The following LAMA5 variants were observed in gnomAD, a reference collection of about 807,000 sequenced individuals.
LAMA5 encodes laminin subunit alpha-5.
A neutral mutation model predicts 433.4 loss-of-function variants in LAMA5; 260 were observed. That is an observed-to-expected ratio of 0.60 (90% CI 0.54 to 0.66). The LOEUF (loss-of-function observed/expected upper bound fraction) is 0.66. Among genes scored for constraint, LAMA5 ranks in the 30% least tolerant of loss-of-function variants. The pLI is 0.00. For missense variants in LAMA5, 5,378 were observed against 5,258.5 expected, an observed-to-expected ratio of 1.02 and a Z score of -0.70; for synonymous variants, 2,620 against 2,226.6, an observed-to-expected ratio of 1.18 and a Z score of -4.97.
rs1240695784 is a variant in LAMA5 at position 62,312,394 on chromosome 20, G to A, written c.9360+6C>T. On this transcript the variant is annotated splice_donor_region_variant and intron_variant, in intron 68 of 79. Transcript: ENST00000252999. ...TGCCACCCCCAGCCCGGGGAGGGCTGCTCACCAGCAGGTCGGCGGTGCAGC... is the reference window on the plus strand; with the variant it reads ...TGCCACCCCCAGCCCGGGGAGGGCTACTCACCAGCAGGTCGGCGGTGCAGC... 2 of 1,598,966 alleles carry A rather than the reference G, an allele frequency of 1.3e-6. No homozygotes were observed. The highest frequency in any genetic ancestry group is 1.3e-5 in the African/African-American group (1 of 74,890).
At chr20:62,345,518 C>T in intron 11 of LAMA5, 1 of 503,582 alleles carries the variant, frequency 2.0e-6, no homozygotes, top group Non-Finnish European at 3.7e-6. Context: ...GCAATCCTTC[C>T]ACCTCAGCCT....
chr20:62,328,473 C>G, intron 34 of LAMA5, 28 bp from the exon 35 acceptor site: 3 of 1,461,762 alleles, frequency 2.1e-6, no homozygotes, highest in Non-Finnish European at 2.7e-6. Context: ...GGTTTACTGA[C>G]CCCTCTTCCC....
chr20:62,315,157 G>C lies in LAMA5; in HGVS notation c.7918C>G (p.Gln2640Glu). The C allele has an allele frequency of 6.2e-7, 1 of 1,610,960 alleles. No homozygotes were observed. Among genetic ancestry groups the C allele is most frequent in the Non-Finnish European group, 8.5e-7 (1 of 1,179,714 alleles). ...AHAKAVAAEA[Q>E]DTATRVQSQL... is the part of the protein sequence containing the mutation. The stretch of plus-strand genomic sequence containing the variant: ...GACTGCACACGGGTGGCGGTGTCCT[G>C]GGCTTCAGCAGCCACAGCCTTGGCA... Residue 2640 changes from glutamine (Q) to glutamate (E), a missense_variant, in exon 59 of 80, where the codon CAG (glutamine) becomes GAG (glutamate). Coordinates refer to ENST00000252999, the MANE Select transcript of LAMA5 (RefSeq NM_005560.6).
intron 26 of LAMA5, 117 bp from the exon 27 acceptor site, chr20:62,332,834 T>C: frequency 2.3e-6 from 3 of 1,300,788 alleles, no homozygotes; most frequent in Non-Finnish European, 3.1e-6. Context: ...AGTCCCACCC[T>C]GGCCCGGACA....
Position 62,312,649 on chromosome 20 carries a change from G to C in LAMA5, c.9210C>G (p.Pro3070=). 6.2e-7 allele frequency: 1 copy of C among 1,606,990 alleles called. No individual in the cohort carries two copies. Among genetic ancestry groups the C allele is most frequent in the East Asian group, 2.2e-5 (1 of 44,454 alleles). Residue 3070 remains proline (P), a synonymous_variant, in exon 67 of 80, where the codon CCC becomes CCG. Coordinates refer to ENST00000252999, the MANE Select transcript of LAMA5 (RefSeq NM_005560.6). ...GTGCTTACCTCGGGGGCAGCTGGTC[G>C]GGCGGCACGCCCCCCAGGTAGTAGG... ...ADAYYLGGVP[P]DQLPPSLRRL...
chr20:62,346,286 GTC>G, intron 9 of LAMA5, 71 bp from the exon 10 acceptor site: 1 of 1,541,728 alleles, frequency 6.5e-7, no homozygotes, highest in Non-Finnish European at 8.8e-7. Flanking sequence ...AGATGTGGCA[GTC>G]TCTACCTCCC....
Position 62,328,474 on chromosome 20 carries a change from C to A in LAMA5, c.4448-29G>T. On this transcript the variant is annotated intron_variant, in intron 34 of 79. Coordinates refer to ENST00000252999, the MANE Select transcript of LAMA5 (RefSeq NM_005560.6). ...TGGGGCGGGTACAGGGTTTACTGAC[C>A]CCTCTTCCCAGTCCCGCCCCTCTCA... 3.4e-6 allele frequency: 5 copies of A among 1,461,452 alleles called. No homozygotes were observed. In the East Asian group the frequency reaches 7.5e-5, roughly 22 times the overall value. 90.5% of individuals were successfully genotyped at this position (1,461,452 alleles called of 1,614,324 possible).
At chr20:62,319,657 C>T in intron 51 of LAMA5, 27 bp downstream of exon 51, 3 of 1,498,172 alleles carry the variant, frequency 2.0e-6, no homozygotes, top group Non-Finnish European at 2.7e-6. Flanking sequence ...GGCTCTGAGC[C>T]CTGAGCCTGG....
At chr20:62,317,060 G>C (rs2236521) in intron 55 of LAMA5, 37 bp from the exon 56 acceptor site, 1 of 1,503,914 alleles carries the variant, frequency 6.6e-7, no homozygotes, top group Non-Finnish European at 8.9e-7. Context: ...GTGGGTAAGC[G>C]CAGACGCCCT....
Position 62,324,812 on chromosome 20 carries a change from T to A in LAMA5, c.5530-258A>T. 1 of 507,860 alleles carries A rather than the reference T, an allele frequency of 2.0e-6. No homozygotes were observed. Among genetic ancestry groups the A allele is most frequent in the Non-Finnish European group, 3.6e-6 (1 of 278,354 alleles). 31.5% of individuals were successfully genotyped at this position (507,860 alleles called of 1,614,324 possible). On this transcript the variant is annotated intron_variant, in intron 41 of 79. Coordinates refer to ENST00000252999, the MANE Select transcript of LAMA5 (RefSeq NM_005560.6). This position sits in a 1 kb window ranked among gnomAD's most constrained non-coding sequence, Gnocchi z 4.4. ...TCCTGTCTCGGGAATGACCAGGCCT[T>A]GGGGCTGGTGACCACCCACTCCATG...
chr20:62,357,039 G>T (rs1985342653), intron 2 of LAMA5, among the ~76,000 whole-genome samples: 1 of 152,192 alleles, frequency 6.6e-6, no homozygotes, highest in African/African-American at 2.4e-5. Context: ...GGGATGGCGT[G>T]GGGTTGTTGG....
At chr20:62,323,317 A>T in intron 45 of LAMA5, 139 bp downstream of exon 45, 1 of 732,888 alleles carries the variant, frequency 1.4e-6, no homozygotes, top group East Asian at 2.8e-5. Context: ...TTGACCATGA[A>T]CCCAGAAGGC....
In LAMA5 at chr20:62,315,245, G is replaced by A. The variant is rs76060237; in HGVS notation, c.7868-38C>T. On this transcript the variant is annotated intron_variant, in intron 58 of 79. Transcript: ENST00000252999. ...GAGGGCAGGCTCAGCAGGGGCCAGC[G>A]GGGACCATCCTGGCTTCATGTCCCC... The A allele has an allele frequency of 2.6e-3, 3,974 of 1,544,612 alleles. 96 individuals are homozygous for A. In the African/African-American group the frequency reaches 0.045, roughly 18 times the overall value.
Position 62,311,266 on chromosome 20 carries a change from G to A in LAMA5, c.9984C>T (p.Cys3328=), listed in dbSNP as rs149413796. 189 of 1,604,020 alleles carry A rather than the reference G, an allele frequency of 1.2e-4. No individual in the cohort carries two copies. Among genetic ancestry groups the A allele is most frequent in the Middle Eastern group, 1.2e-3 (7 of 5,974 alleles). The part of the protein sequence containing the change: ...RSRQPARHPA[C]MLPPHLRTTR... ...TGGTCCTGAGGTGTGGGGGCAGCAT[G>A]CAGGCAGGATGCCGGGCGGGCTGAC... is the stretch of plus-strand genomic sequence containing the variant. The change falls in exon 73 of 80, where the codon TGC becomes TGT. Residue 3328 remains cysteine (C), a synonymous_variant. Transcript: ENST00000252999.
At position 62,330,848 on chromosome 20, in the gene LAMA5, G is replaced by T; in HGVS notation, c.3747C>A (p.Thr1249=). 6.5e-7 allele frequency: 1 copy of T among 1,541,976 alleles called. No individual in the cohort carries two copies. Among genetic ancestry groups the T allele is most frequent in the Non-Finnish European group, 8.7e-7 (1 of 1,143,468 alleles). ...VIPLPPGLPL[T]HAQDLTPAMS... is the part of the protein sequence containing the mutation. ...TGGCTGGAGTGAGATCCTGCGCGTG[G>T]GTCAGCGGGAGGCCGGGCGGCAGCG... The change falls in exon 30 of 80, where the codon ACC becomes ACA. Residue 1249 remains threonine (T), a synonymous_variant. Transcript: ENST00000252999.
rs1168208619 is a variant in LAMA5, at chr20:62,346,505, C to T, written c.1282+1G>A. The T allele has an allele frequency of 6.4e-6, 10 of 1,550,674 alleles. No homozygotes were observed. The highest frequency in any genetic ancestry group is 7.0e-6 in the Non-Finnish European group (8 of 1,146,716). On this transcript the variant is annotated splice_donor_variant, in intron 9 of 79. Coordinates refer to ENST00000252999, the MANE Select transcript of LAMA5 (RefSeq NM_005560.6). LOFTEE classifies it high-confidence loss of function. ...ACACCCGCCCAGCTGAGCCCACTCA[C>T]GGCGGCAGACGTGGGGCGAGTCGAG...
chr20:62,314,127 CGAG>C (rs1397950856), intron 62 of LAMA5, among the ~76,000 whole-genome samples, 174 bp downstream of exon 62: 72 of 61,472 alleles, frequency 1.2e-3, no homozygotes, highest in African/African-American at 2.8e-3. Context: ...GGCACAGAGA[CGAG>C]GGGTGGCGAG....
chr20:62,321,726 T>TGGAGGGGGGGGGC (rs1987822246), intron 48 of LAMA5, among the ~76,000 whole-genome samples: 1 of 63,808 alleles, frequency 1.6e-5, no homozygotes, highest in Non-Finnish European at 2.8e-5. Context: ...AGGGGTGGGG[T>TGGAGGGGGGGGGC]CAGTGGAGGG....
In LAMA5 at chr20:62,333,675, T is replaced by C; in HGVS notation, c.2910A>G (p.Pro970=). Reference sequence around the variant, plus strand: ...TGATGAAGGCAGGCTCCGTGCTGGGTGGGAAGGCCACGGGCTGACTCTGTG... The same window carrying C: ...TGATGAAGGCAGGCTCCGTGCTGGGCGGGAAGGCCACGGGCTGACTCTGTG... ...CTAQSQPVAF[P]PSTEPAFITV... The change falls in exon 24 of 80, where the codon CCA becomes CCG. Residue 970 remains proline, a synonymous_variant. Coordinates refer to ENST00000252999, the MANE Select transcript of LAMA5 (RefSeq NM_005560.6). 12 of 1,595,324 alleles carry C rather than the reference T, an allele frequency of 7.5e-6. No homozygotes were observed. The highest frequency in any genetic ancestry group is 1.0e-5 in the Non-Finnish European group (12 of 1,172,792).
Sources: gnomAD v4.1 joint callset for allele counts (sites outside exome capture counted in the v4.1 genomes callset) on GRCh38, gnomAD v4.1.1 for gene constraint, Gnocchi (gnomAD v3.1) non-coding constraint, MANE v1.5 for transcripts, NCBI Gene and HGNC (gene_info 2026-07-23, HGNC 2026-07-21) for gene names.